CNTN1: variants seen among roughly 807,000 people sequenced by gnomAD.
CNTN1 encodes the protein contactin 1.
Under a neutral mutation model 126.4 loss-of-function variants are expected in CNTN1, and 38 were observed. The observed-to-expected ratio is 0.30, with a 90% CI of 0.23 to 0.39. The LOEUF (loss-of-function observed/expected upper bound fraction) is 0.39. Among genes scored for constraint, CNTN1 ranks in the 10% least tolerant of loss-of-function variants. The pLI is 1.00. For missense variants in CNTN1, 1,009 were observed against 1,248.4 expected (o/e 0.81, Z 2.89); for synonymous variants, 413 against 422.6 (o/e 0.98, Z 0.28).
chr12:41,049,813 C>T (rs1189494614), intron 23 of CNTN1, among the ~76,000 whole-genome samples: 2 of 152,254 alleles, frequency 1.3e-5, no homozygotes, highest in Non-Finnish European at 2.9e-5. Context: ...CAGCTCATGA[C>T]ATATAAACCA....
intron 1 of CNTN1, among the ~76,000 whole-genome samples, chr12:40,778,253 A>G (rs1279472511): frequency 6.6e-6 from 1 of 151,784 alleles, no homozygotes; most frequent in Non-Finnish European, 1.5e-5. Context: ...TTGTTCTCCT[A>G]TTTCAGAGGT....
intron 1 of CNTN1, among the ~76,000 whole-genome samples, chr12:40,790,649 G>A (rs1005627982): frequency 6.6e-6 from 1 of 152,034 alleles, no homozygotes; most frequent in Non-Finnish European, 1.5e-5. Context: ...CAAGAAGGGT[G>A]TACAGCACCC....
At chr12:40,856,541 T>C (rs1942913700) in intron 1 of CNTN1, among the ~76,000 whole-genome samples, 1 of 151,960 alleles carries the variant, frequency 6.6e-6, no homozygotes, top group South Asian at 2.1e-4. Context: ...GCCACAAGGG[T>C]GAAGATGCAG....
At chr12:40,911,076 AATTT>A (rs1157139427) in intron 3 of CNTN1, among the ~76,000 whole-genome samples, 1 of 151,862 alleles carries the variant, frequency 6.6e-6, no homozygotes, top group African/African-American at 2.4e-5. Context: ...GGCACTTTTT[AATTT>A]ATTTATTTAT....
At chr12:40,764,000 C>T (rs576421230) in intron 1 of CNTN1, among the ~76,000 whole-genome samples, 17 of 152,226 alleles carry the variant, frequency 1.1e-4, no homozygotes, top group Non-Finnish European at 2.2e-4. Flanking sequence ...ATGAGCCAAG[C>T]CAAACCATGG....
chr12:40,766,770 A>C (rs1458816155), intron 1 of CNTN1, among the ~76,000 whole-genome samples: 3 of 152,222 alleles, frequency 2.0e-5, no homozygotes, highest in Admixed American at 1.3e-4. Context: ...TAGAAATAGA[A>C]TACATTTAAC....
chr12:41,021,913 A>C lies in CNTN1; in HGVS notation c.2523+1473A>C, dbSNP rs1029144576. ...AAGACATCAATGTGTAGAGCTTGGA[A>C]AGTAAAATTTTGGAGCACAGGATTT... On this transcript the variant is annotated intron_variant, in intron 20 of 23. Coordinates refer to ENST00000551295, the MANE Select transcript of CNTN1 (RefSeq NM_001843.4). Among the ~76,000 whole-genome samples the C allele has an allele frequency of 4.7e-5, 7 of 148,180 alleles. No individual in the cohort carries two copies. In the East Asian group the frequency reaches 6.1e-4, roughly 13 times the overall value.
intron 15 of CNTN1, chr12:40,971,387 A>G: frequency 1.3e-6 from 2 of 1,514,566 alleles, no homozygotes; most frequent in Non-Finnish European, 1.8e-6. Flanking sequence ...CCTGCCCCTA[A>G]TTGGGCATCC....
At position 40,895,471 on chromosome 12, in the gene CNTN1, T is replaced by C. The variant is rs1367336937; in HGVS notation, c.-76-12886T>C. On this transcript the variant is annotated intron_variant, in intron 1 of 23. Transcript: ENST00000551295. Reference sequence around the variant, plus strand: ...CCTTGCTGGTGGGGACTCCGTAGAGTCCTGTGGCAGCAGCAACACAGGGCG... The same window carrying C: ...CCTTGCTGGTGGGGACTCCGTAGAGCCCTGTGGCAGCAGCAACACAGGGCG... 2.6e-5 allele frequency among the ~76,000 whole-genome samples: 4 copies of C among 152,008 alleles called. No individual in the cohort carries two copies. In the East Asian group the frequency reaches 7.7e-4, roughly 29 times the overall value.
At chr12:40,985,861 CTG>C (rs144935175) in intron 16 of CNTN1, among the ~76,000 whole-genome samples, 18 of 150,008 alleles carry the variant, frequency 1.2e-4, no homozygotes, top group African/African-American at 1.7e-4. Context: ...GTGTGTGTGT[CTG>C]TGTGTGTGTG....
Position 40,924,881 on chromosome 12 carries a change from C to CATATATAT in CNTN1, c.496+239_496+246dup, listed in dbSNP as rs138237336. Among the ~76,000 whole-genome samples the CATATATAT allele has an allele frequency of 4.0e-3, 451 of 112,116 alleles. 19 individuals carry two copies. The highest frequency in any genetic ancestry group is 0.013 in the African/African-American group (387 of 29,790). 73.6% of individuals were successfully genotyped at this position (112,116 alleles called of 152,430 possible). On this transcript the variant is annotated intron_variant, in intron 6 of 23. Coordinates refer to ENST00000551295, the MANE Select transcript of CNTN1 (RefSeq NM_001843.4). ...ATCTCTAATCATTTTAGTTTATAAA[C>CATATATAT]ATATATATATATATATAGTATTATG...
intron 15 of CNTN1, among the ~76,000 whole-genome samples, chr12:40,964,704 A>G (rs1329777653): frequency 1.3e-5 from 2 of 152,118 alleles, no homozygotes; most frequent in African/African-American, 2.4e-5. Flanking sequence ...TTTTTTCTTA[A>G]GAAGGCTATT....
intron 14 of CNTN1, among the ~76,000 whole-genome samples, chr12:40,948,013 T>C (rs150775783): frequency 2.1e-3 from 312 of 151,940 alleles, no homozygotes; most frequent in African/African-American, 6.9e-3. Context: ...ATTAAAATTC[T>C]CTAAGCCTCA....
intron 15 of CNTN1, among the ~76,000 whole-genome samples, chr12:40,969,040 T>C (rs1947403920): frequency 6.6e-6 from 1 of 152,158 alleles, no homozygotes; most frequent in Non-Finnish European, 1.5e-5. Context: ...CCTTTTCAGC[T>C]CATTTTACTA....
chr12:41,003,963 G>C (rs1009180810), intron 17 of CNTN1, among the ~76,000 whole-genome samples: 2 of 152,102 alleles, frequency 1.3e-5, no homozygotes, highest in Admixed American at 1.3e-4. Context: ...TGTGACTTTG[G>C]TTACTTCTTG....
intron 1 of CNTN1, among the ~76,000 whole-genome samples, chr12:40,820,464 A>G (rs1443275078): frequency 2.0e-5 from 3 of 152,152 alleles, no homozygotes; most frequent in Non-Finnish European, 4.4e-5. Context: ...TAGAGTGACT[A>G]TAGGACCTGG....
chr12:41,020,114 G>A (rs1252269886), intron 19 of CNTN1, among the ~76,000 whole-genome samples: 1 of 152,048 alleles, frequency 6.6e-6, no homozygotes, highest in Non-Finnish European at 1.5e-5. Flanking sequence ...GTAAATGAAT[G>A]TGTGTGTGCA....
At chr12:41,061,462 G>A (rs531459218) in intron 23 of CNTN1, among the ~76,000 whole-genome samples, 2 of 152,234 alleles carry the variant, frequency 1.3e-5, no homozygotes, top group Admixed American at 1.3e-4. Flanking sequence ...ATTTTGCTTG[G>A]CATGTGGGTT....
intron 1 of CNTN1, among the ~76,000 whole-genome samples, chr12:40,860,436 G>T (rs1273275505): frequency 6.6e-6 from 1 of 152,008 alleles, no homozygotes; most frequent in Non-Finnish European, 1.5e-5. Flanking sequence ...GACCCCACAG[G>T]TTAATGGCTC....
Sources: gnomAD v4.1 joint callset for allele counts (sites outside exome capture counted in the v4.1 genomes callset) on GRCh38, gnomAD v4.1.1 for gene constraint, MANE v1.5 for transcripts, NCBI Gene and HGNC (gene_info 2026-07-23, HGNC 2026-07-21) for gene names.